Variants in ADCY10 observed in about 807,000 individuals in gnomAD.
The protein encoded by ADCY10 is adenylate cyclase type 10.
ADCY10 carries 156 observed loss-of-function variants against 183.3 expected under a neutral mutation model. The observed-to-expected ratio is 0.85, with a 90% CI of 0.75 to 0.97. ADCY10 has a LOEUF of 0.97. Ranked by LOEUF, ADCY10 falls within the 50% of genes least tolerant of loss-of-function variation. ADCY10 has a pLI of 0.00. For synonymous variants in ADCY10, 645 were observed against 670.0 expected (o/e 0.96, Z 0.58); for missense variants, 1,745 against 1,934.3 (o/e 0.90, Z 1.84).
rs1311140812 is a variant in ADCY10 at position 167,883,498 on chromosome 1, T to C, written c.959A>G (p.His320Arg). 2.5e-6 allele frequency: 4 copies of C among 1,614,158 alleles called. No individual in the cohort carries two copies. In the African/African-American group the frequency reaches 4.0e-5, roughly 16 times the overall value. ...GAAGATCTTCAGGACAGAAGTGATG[T>C]GCATATAGGCATCCTGGATGGCTGG... ...IGPAIQDAYM[H>R]ITSVLKIFQG... Residue 320 changes from histidine (H) to arginine (R), a missense_variant, in exon 9 of 33, where the codon CAC (histidine) becomes CGC (arginine). Transcript: ENST00000367851.
chr1:167,812,141 G>A (rs985670274), intron 31 of ADCY10, among the ~76,000 whole-genome samples: 3 of 152,200 alleles, frequency 2.0e-5, no homozygotes, highest in Admixed American at 6.5e-5. Flanking sequence ...AGATATCAGG[G>A]ATCTGTGCTC....
intron 25 of ADCY10, among the ~76,000 whole-genome samples, chr1:167,832,692 T>A (rs1276836627): frequency 6.6e-6 from 1 of 152,054 alleles, no homozygotes; most frequent in South Asian, 2.1e-4. Flanking sequence ...CGGATGGCCA[T>A]GGGGGTTAAA....
Position 167,824,513 on chromosome 1 carries a change from G to A in ADCY10, c.4015C>T (p.Leu1339Phe). 1.9e-6 allele frequency: 3 copies of A among 1,614,206 alleles called. No homozygotes were observed. The highest frequency in any genetic ancestry group is 2.5e-6 in the Non-Finnish European group (3 of 1,180,036). Reference protein sequence around the residue: ...LQNPNRHYQSLCRLSRCLLLN... With the variant: ...LQNPNRHYQSFCRLSRCLLLN... ...AGGAGACATCTGCTAAGTCTGCAGA[G>A]GGACTGATAATGTCGGTTGGGATTC... Residue 1339 changes from leucine (L) to phenylalanine (F), a missense_variant, in exon 28 of 33, where the codon CTC becomes TTC. By Grantham distance (22) the Leu-to-Phe change is conservative. Coordinates refer to ENST00000367851, the MANE Select transcript of ADCY10 (RefSeq NM_018417.6).
In ADCY10 at chr1:167,903,948, CA is replaced by C; in HGVS notation, c.191del (p.Met64ArgfsTer16). The C allele has an allele frequency of 6.2e-7, 1 of 1,614,124 alleles. No individual in the cohort carries two copies. The highest frequency in any genetic ancestry group is 2.2e-5 in the East Asian group (1 of 44,886). ...MTEKFSSAMYMDRGAEQLVEI... is the reference protein window; with the variant it reads ...MTEKFSSAMYXDRGAEQLVEI... ...CCACCAACTGCTCAGCCCCTCTGTC[CA>C]TGTACATGGCACTGCTGAACTTCTC... On this transcript the variant is annotated frameshift_variant, in exon 3 of 33. Coordinates refer to ENST00000367851, the MANE Select transcript of ADCY10 (RefSeq NM_018417.6). LOFTEE classifies it high-confidence loss of function.
Position 167,856,296 on chromosome 1 carries a change from A to G in ADCY10, c.2040T>C (p.Cys680=), listed in dbSNP as rs376003214. The change falls in exon 17 of 33, where the codon TGT becomes TGC. Residue 680 remains cysteine (C), a synonymous_variant. Transcript: ENST00000367851. ...MSLCPFVNIP[C]AAARAVIKNR... Reference sequence around the variant, plus strand: ...TCTTTATTACGGCCCTGGCAGCTGCACAGGGAATGTTAACGAAGGGACACA... The same window carrying G: ...TCTTTATTACGGCCCTGGCAGCTGCGCAGGGAATGTTAACGAAGGGACACA... 63 of 1,613,954 alleles carry G rather than the reference A, an allele frequency of 3.9e-5. No individual in the cohort carries two copies. Among genetic ancestry groups the G allele is most frequent in the Non-Finnish European group, 5.0e-5 (59 of 1,179,962 alleles).
At chr1:167,872,944 C>T (rs982286846) in intron 13 of ADCY10, among the ~76,000 whole-genome samples, 8 of 151,660 alleles carry the variant, frequency 5.3e-5, no homozygotes, top group African/African-American at 1.9e-4. Flanking sequence ...GTGGTGTGCA[C>T]CTGTAATCCC....
At chr1:167,902,615 A>T (rs1042840264) in intron 3 of ADCY10, among the ~76,000 whole-genome samples, 4 of 152,270 alleles carry the variant, frequency 2.6e-5, no homozygotes, top group Admixed American at 1.3e-4. Context: ...GCCAAGTCAG[A>T]TGCAGAAAGG....
intron 31 of ADCY10, among the ~76,000 whole-genome samples, chr1:167,811,223 A>C (rs1363227844): frequency 2.6e-5 from 4 of 152,104 alleles, no homozygotes; most frequent in Non-Finnish European, 5.9e-5. Context: ...TTGTTGAAAA[A>C]TTAGGAAAAA....
At chr1:167,874,649 C>CA (rs1667328551) in intron 13 of ADCY10, among the ~76,000 whole-genome samples, 1 of 152,106 alleles carries the variant, frequency 6.6e-6, no homozygotes. Flanking sequence ...ATGCATTCAC[C>CA]AAAAGACTTG....
chr1:167,880,049 G>T, intron 11 of ADCY10, 66 bp downstream of exon 11: 1 of 1,420,366 alleles, frequency 7.0e-7, no homozygotes, highest in Non-Finnish European at 9.8e-7. Flanking sequence ...GCTTCCTCCC[G>T]CAAAGCCCAG....
intron 8 of ADCY10, among the ~76,000 whole-genome samples, chr1:167,885,566 T>C (rs143029714): frequency 6.6e-6 from 1 of 152,360 alleles, no homozygotes; most frequent in Non-Finnish European, 1.5e-5. Context: ...TTTTCACATA[T>C]TTTTCACATA....
Position 167,902,003 on chromosome 1 carries a change from T to C in ADCY10, c.292+13A>G. On this transcript the variant is annotated intron_variant, in intron 4 of 32. Coordinates refer to ENST00000367851, the MANE Select transcript of ADCY10 (RefSeq NM_018417.6). Reference sequence around the variant, plus strand: ...TCCTTTCTTACCCCTTCTATCTTAGTAAGCCCCCATACCTGCAAATTTCAG... The same window carrying C: ...TCCTTTCTTACCCCTTCTATCTTAGCAAGCCCCCATACCTGCAAATTTCAG... The C allele has an allele frequency of 1.9e-6, 3 of 1,613,414 alleles. No individual in the cohort carries two copies. The highest frequency in any genetic ancestry group is 2.5e-6 in the Non-Finnish European group (3 of 1,179,880).
chr1:167,904,846 C>G, intron 2 of ADCY10, 147 bp downstream of exon 2: 1 of 1,022,578 alleles, frequency 9.8e-7, no homozygotes, highest in Non-Finnish European at 1.5e-6. Context: ...CTATTTCCTC[C>G]CTCTTGTGTT....
intron 2 of ADCY10, 83 bp downstream of exon 2, chr1:167,904,910 A>G (rs1669709402): frequency 4.4e-6 from 7 of 1,594,832 alleles, no homozygotes. Flanking sequence ...TGGCCTCCCT[A>G]CTCTGCAATC....
chr1:167,831,039 T>C (rs1663687711), intron 25 of ADCY10, among the ~76,000 whole-genome samples: 2 of 152,226 alleles, frequency 1.3e-5, no homozygotes, highest in African/African-American at 2.4e-5. Flanking sequence ...AAAATTAAGC[T>C]GTGCCCCGAC....
At chr1:167,913,282 T>C (rs927618410) in intron 1 of ADCY10, among the ~76,000 whole-genome samples, 1 of 152,114 alleles carries the variant, frequency 6.6e-6, no homozygotes, top group Non-Finnish European at 1.5e-5. Flanking sequence ...TACCCAAAAA[T>C]GAAAAGAGAA....
intron 14 of ADCY10, among the ~76,000 whole-genome samples, chr1:167,864,440 G>A (rs182719475): frequency 1.7e-4 from 26 of 152,296 alleles, no homozygotes; most frequent in Non-Finnish European, 2.9e-4. Flanking sequence ...TGTTTCAAAT[G>A]TATGGCACAA....
chr1:167,873,807 T>C (rs1667265152), intron 13 of ADCY10, among the ~76,000 whole-genome samples: 2 of 152,192 alleles, frequency 1.3e-5, no homozygotes, highest in African/African-American at 2.4e-5. Context: ...TCTCAAATAG[T>C]ATACAGAAGC....
In ADCY10 at chr1:167,811,278, G is replaced by T. The variant is rs183863273; in HGVS notation, c.4483-365C>A. 1.5e-3 allele frequency among the ~76,000 whole-genome samples: 227 copies of T among 152,284 alleles called. 2 individuals carry two copies. Among genetic ancestry groups the T allele is most frequent in the African/African-American group, 5.4e-3 (223 of 41,538 alleles). On this transcript the variant is annotated intron_variant, in intron 31 of 32. Coordinates refer to ENST00000367851, the MANE Select transcript of ADCY10 (RefSeq NM_018417.6). ...GTAAGGAGCTTGGAAATAACCACTTGGTCCTAGAAACAAGTAAAAAGCTGA... is the reference window on the plus strand; with the variant it reads ...GTAAGGAGCTTGGAAATAACCACTTTGTCCTAGAAACAAGTAAAAAGCTGA...
Sources: allele counts gnomAD v4.1 joint callset (sites outside exome capture counted in the v4.1 genomes callset), GRCh38; gene constraint gnomAD v4.1.1; transcripts MANE v1.5; gene names NCBI Gene and HGNC (gene_info 2026-07-23, HGNC 2026-07-21).